The following RFX4 variants were observed in gnomAD, a reference collection of about 807,000 sequenced individuals.
RFX4 encodes the protein regulatory factor X4.
RFX4 carries 10 observed loss-of-function variants against 95.0 expected under a neutral mutation model. The ratio of observed to expected loss-of-function variants is 0.11; its 90% CI spans 0.06 to 0.18. RFX4 has a LOEUF of 0.18. Among genes scored for constraint, RFX4 ranks in the 10% least tolerant of loss-of-function variants. The probability of loss-of-function intolerance (pLI) is 1.00; values close to 1 mark genes in which losing one functional copy is unlikely to be tolerated. For missense variants in RFX4, 640 were observed against 922.0 expected (o/e 0.69, Z 3.96); for synonymous variants, 321 against 340.7 (o/e 0.94, Z 0.64).
chr12:106,634,251 G>A (rs1461004956), intron 2 of RFX4, among the ~76,000 whole-genome samples: 5 of 152,084 alleles, frequency 3.3e-5, no homozygotes, highest in Admixed American at 1.3e-4. Flanking sequence ...CTCAAGTGCC[G>A]TCTCCTATAT....
At chr12:106,601,112 C>T (rs923266356) in intron 1 of RFX4, 2 of 1,410,998 alleles carry the variant, frequency 1.4e-6, no homozygotes, top group Non-Finnish European at 1.9e-6. Flanking sequence ...TGGAACCCAG[C>T]AGCCCCTGGG....
chr12:106,746,676 G>A (rs1842175011), intron 15 of RFX4, among the ~76,000 whole-genome samples: 1 of 152,160 alleles, frequency 6.6e-6, no homozygotes, highest in African/African-American at 2.4e-5. Flanking sequence ...TATGGAATAG[G>A]TCACTGTCCA....
chr12:106,621,116 A>G (rs1406811868), intron 2 of RFX4, among the ~76,000 whole-genome samples: 4 of 152,238 alleles, frequency 2.6e-5, no homozygotes, highest in Non-Finnish European at 4.4e-5. Flanking sequence ...TAACACAGTT[A>G]TCACAGTGGT....
In RFX4 at chr12:106,691,010, T is replaced by C. The variant is rs186115518; in HGVS notation, c.669+1646T>C. 2.3e-4 allele frequency among the ~76,000 whole-genome samples: 35 copies of C among 152,268 alleles called. 1 individual carries two copies. In the East Asian group the frequency reaches 6.0e-3, roughly 26 times the overall value. On this transcript the variant is annotated intron_variant, in intron 7 of 17. Coordinates refer to ENST00000392842, the MANE Select transcript of RFX4 (RefSeq NM_213594.3). The stretch of plus-strand genomic sequence containing the variant: ...ATTGGAGAGATAAGTAAAACACAGT[T>C]GATAGGATGGGGGGAAGGCATGTAA...
intron 8 of RFX4, among the ~76,000 whole-genome samples, chr12:106,707,855 G>A (rs1384821027): frequency 6.6e-6 from 1 of 152,178 alleles, no homozygotes; most frequent in African/African-American, 2.4e-5. Flanking sequence ...GAGCAGGACT[G>A]GGCATAGTGG....
rs1391495925 is a variant in RFX4, at chr12:106,597,879, T to G, written c.44-10918T>G. Among the ~76,000 whole-genome samples the G allele has an allele frequency of 2.6e-5, 4 of 152,030 alleles. No homozygotes were observed. The East Asian group carries it at 7.7e-4, about 29-fold the overall frequency. Reference sequence around the variant, plus strand: ...CATCTCTAAAAAAAGGTGGTTGGGATGGGGGTGCAAAAATAAAAAAGAAAA... The same window carrying G: ...CATCTCTAAAAAAAGGTGGTTGGGAGGGGGGTGCAAAAATAAAAAAGAAAA... On this transcript the variant is annotated intron_variant, in intron 1 of 17. Transcript: ENST00000392842.
At chr12:106,745,096 C>T (rs1028879556) in intron 15 of RFX4, among the ~76,000 whole-genome samples, 5 of 152,092 alleles carry the variant, frequency 3.3e-5, no homozygotes, top group East Asian at 3.9e-4. Context: ...AGAATTTGGG[C>T]GGCATGTTTC....
chr12:106,647,678 A>G (rs7297785), intron 3 of RFX4, among the ~76,000 whole-genome samples: 1 of 151,844 alleles, frequency 6.6e-6, no homozygotes, highest in Non-Finnish European at 1.5e-5. Context: ...GATCCCTGCC[A>G]TCAAAGGACT....
chr12:106,654,040 C>T (rs1389915511), intron 3 of RFX4, among the ~76,000 whole-genome samples, 188 bp from the exon 4 acceptor site: 1 of 152,226 alleles, frequency 6.6e-6, no homozygotes, highest in African/African-American at 2.4e-5. Flanking sequence ...GATTCTGACA[C>T]TGCCAAGCCA....
chr12:106,689,397 G>C (rs533185417), intron 7 of RFX4, 33 bp downstream of exon 7: 1 of 1,541,454 alleles, frequency 6.5e-7, no homozygotes, highest in Admixed American at 1.7e-5. Context: ...GTGAATACTC[G>C]GTATTAAAAA....
At chr12:106,662,165 T>C in intron 4 of RFX4, 1 of 410,168 alleles carries the variant, frequency 2.4e-6, no homozygotes, top group Non-Finnish European at 4.8e-6. Context: ...GGCTGTACCA[T>C]TTTGCATTCC....
chr12:106,630,625 G>C (rs1277146452), intron 2 of RFX4, among the ~76,000 whole-genome samples: 1 of 152,216 alleles, frequency 6.6e-6, no homozygotes, highest in Non-Finnish European at 1.5e-5. Flanking sequence ...GTTCTGGCCA[G>C]GTGCAGCCAG....
rs765417204 is a variant in RFX4 at position 106,750,648 on chromosome 12, A to G, written c.1797-7A>G. 4 of 1,598,908 alleles carry G rather than the reference A, an allele frequency of 2.5e-6. No individual in the cohort carries two copies. The South Asian group carries it at 3.4e-5, about 14-fold the overall frequency. ...TCACACTATTCAATGTGCTTGATGC[A>G]TTTTAGATACACGGGAAGCTATAAC... On this transcript the variant is annotated splice_polypyrimidine_tract_variant and splice_region_variant and intron_variant, in intron 16 of 17. Coordinates refer to ENST00000392842, the MANE Select transcript of RFX4 (RefSeq NM_213594.3).
At chr12:106,626,614 A>G (rs1458305615) in intron 2 of RFX4, among the ~76,000 whole-genome samples, 4 of 152,078 alleles carry the variant, frequency 2.6e-5, no homozygotes, top group African/African-American at 4.8e-5. Context: ...TGGAGGTTCT[A>G]TGCAGGTGGA....
At chr12:106,719,376 G>C (rs1280713762) in intron 11 of RFX4, among the ~76,000 whole-genome samples, 1 of 152,176 alleles carries the variant, frequency 6.6e-6, no homozygotes, top group South Asian at 2.1e-4. Context: ...GAGAGCAAGA[G>C]AGCAGCAATG....
Position 106,696,420 on chromosome 12 carries a change from C to T in RFX4, c.807C>T (p.Pro269=). Residue 269 remains proline, a synonymous_variant, in exon 8 of 18, where the codon CCC becomes CCT. Coordinates refer to ENST00000392842, the MANE Select transcript of RFX4 (RefSeq NM_213594.3). Reference sequence around the variant, plus strand: ...AAGCTATCTCCGGGGTGCTGATGCCCACTGTGCTGCAGGCATTACCTGACA... The same window carrying T: ...AAGCTATCTCCGGGGTGCTGATGCCTACTGTGCTGCAGGCATTACCTGACA... ...LYKAISGVLM[P]TVLQALPDSL... The T allele has an allele frequency of 6.2e-7, 1 of 1,614,088 alleles. No individual in the cohort carries two copies. Among genetic ancestry groups the T allele is most frequent in the Non-Finnish European group, 8.5e-7 (1 of 1,179,992 alleles).
intron 17 of RFX4, among the ~76,000 whole-genome samples, chr12:106,760,085 C>T (rs2043182896): frequency 6.6e-6 from 1 of 152,176 alleles, no homozygotes. Flanking sequence ...AGCCTCCCAC[C>T]TAATCCCCTG....
chr12:106,614,037 AAT>A (rs1290739087), intron 2 of RFX4, among the ~76,000 whole-genome samples: 4 of 152,198 alleles, frequency 2.6e-5, no homozygotes, highest in Admixed American at 6.5e-5. Flanking sequence ...CATTCCTTCT[AAT>A]ATTAGCTATT....
At position 106,713,821 on chromosome 12, in the gene RFX4, A is replaced by G. The variant is rs987604922; in HGVS notation, c.994-1579A>G. 4.6e-5 allele frequency among the ~76,000 whole-genome samples: 7 copies of G among 152,110 alleles called. No individual in the cohort carries two copies. In the South Asian group the frequency reaches 6.2e-4, roughly 14 times the overall value. On this transcript the variant is annotated intron_variant, in intron 10 of 17. Coordinates refer to ENST00000392842, the MANE Select transcript of RFX4 (RefSeq NM_213594.3). ...GGTGGCTCAGGCCAGCAATCCCAGC[A>G]CTTTGGGAGACCTAGGTGGGCAGAT...
Sources: gnomAD v4.1 joint callset for allele counts (sites outside exome capture counted in the v4.1 genomes callset) on GRCh38, gnomAD v4.1.1 for gene constraint, MANE v1.5 for transcripts, NCBI Gene and HGNC (gene_info 2026-07-23, HGNC 2026-07-21) for gene names.